STAG2: variants seen among roughly 807,000 people sequenced by gnomAD.
STAG2 encodes cohesin subunit SA-2.
Under a neutral mutation model 108.1 loss-of-function variants are expected in STAG2, and 14 were observed. That is an observed-to-expected ratio of 0.13 (90% CI 0.09 to 0.20). The LOEUF is 0.20. Among genes scored for constraint, STAG2 ranks in the 10% least tolerant of loss-of-function variants. The pLI is 1.00. For synonymous variants in STAG2, 307 were observed against 302.7 expected (o/e 1.01, Z -0.15); for missense variants, 440 against 940.9 (o/e 0.47, Z 6.96).
intron 1 of STAG2, among the ~76,000 whole-genome samples, chrX:123,993,821 C>T (rs1024498278): frequency 1.4e-4 from 16 of 111,424 alleles, no homozygotes; most frequent in African/African-American, 4.6e-4. Context: ...TGCATTTAAA[C>T]GAACATTTTA....
intron 1 of STAG2, among the ~76,000 whole-genome samples, chrX:123,974,377 C>T (rs1490501319): frequency 4.7e-5 from 5 of 107,152 alleles, no homozygotes; most frequent in African/African-American, 1.4e-4. Flanking sequence ...GGATTACAGG[C>T]ACCCGCCACC....
intron 19 of STAG2, among the ~76,000 whole-genome samples, chrX:124,063,524 C>T (rs1021232465): frequency 1.8e-5 from 2 of 111,005 alleles, no homozygotes; most frequent in African/African-American, 3.3e-5. Context: ...TGGCCATAGA[C>T]GATAATAACA....
intron 1 of STAG2, among the ~76,000 whole-genome samples, chrX:124,017,303 G>A (rs1157602202): frequency 1.8e-5 from 2 of 109,728 alleles, no homozygotes; most frequent in Admixed American, 9.8e-5. Flanking sequence ...TCCGCTTCCC[G>A]GGTTCAAGCG....
At chrX:124,054,643 A>G (rs767829196) in intron 13 of STAG2, among the ~76,000 whole-genome samples, 1 of 112,171 alleles carries the variant, frequency 8.9e-6, no homozygotes, top group African/African-American at 3.2e-5. Flanking sequence ...ATACCCATTC[A>G]TGTTGATTTT....
chrX:123,987,250 A>T (rs2055235606), intron 1 of STAG2, among the ~76,000 whole-genome samples: 1 of 108,638 alleles, frequency 9.2e-6, no homozygotes, highest in South Asian at 4.0e-4. Flanking sequence ...TCAGCCTCCC[A>T]AAGTGCTGGG....
chrX:124,048,926 T>G, intron 9 of STAG2, 79 bp from the exon 10 acceptor site: 2 of 801,145 alleles, frequency 2.5e-6, no homozygotes, highest in Non-Finnish European at 3.7e-6. Context: ...TCTGCTTTTT[T>G]TGTGCTTGTA....
At chrX:123,993,300 T>A (rs991703709) in intron 1 of STAG2, among the ~76,000 whole-genome samples, 5 of 111,533 alleles carry the variant, frequency 4.5e-5, no homozygotes, top group Non-Finnish European at 9.4e-5. Flanking sequence ...AAACAATTTT[T>A]AAAAAAATTC....
chrX:124,035,594 T>C (rs778011560), intron 5 of STAG2, among the ~76,000 whole-genome samples: 78 of 112,188 alleles, frequency 7.0e-4, no homozygotes, highest in Non-Finnish European at 1.3e-3. Context: ...CTTTATGATG[T>C]CAAGGGCCTT....
chrX:123,986,201 ATATG>A (rs1277087259), intron 1 of STAG2, among the ~76,000 whole-genome samples: 4 of 107,249 alleles, frequency 3.7e-5, no homozygotes, highest in Non-Finnish European at 7.7e-5. Context: ...ATATATGTAT[ATATG>A]TGTGTATATA....
chrX:123,997,684 C>T (rs768402077), intron 1 of STAG2, among the ~76,000 whole-genome samples: 2 of 112,780 alleles, frequency 1.8e-5, no homozygotes, highest in East Asian at 2.8e-4. Flanking sequence ...GTCACCTAGG[C>T]GGGAGTGCAT....
intron 1 of STAG2, among the ~76,000 whole-genome samples, chrX:124,013,324 AACACACACAC>A (rs71886288): frequency 4.4e-4 from 46 of 103,626 alleles, no homozygotes; most frequent in Middle Eastern, 4.4e-3. Flanking sequence ...CACACACACA[AACACACACAC>A]ACACACACAC....
chrX:123,979,853 C>T (rs998691864), intron 1 of STAG2, among the ~76,000 whole-genome samples: 6 of 111,575 alleles, frequency 5.4e-5, no homozygotes, highest in African/African-American at 2.0e-4. Flanking sequence ...TAGCTTTGAA[C>T]AGGGGGATCC....
chrX:124,025,922 T>C lies in STAG2; in HGVS notation c.123+4T>C, dbSNP rs372118088. The C allele has an allele frequency of 2.3e-4, 267 of 1,141,301 alleles. No individual in the cohort carries two copies. Among genetic ancestry groups the C allele is most frequent in the Admixed American group, 3.2e-4 (14 of 43,152 alleles). 94.1% of individuals were successfully genotyped at this position (1,141,301 alleles called of 1,213,427 possible). ...CCAAAAGCAAGGCAAAGGCAAAGTA[T>C]GTATCAAATATTTGACTTTATTTTG... is the stretch of plus-strand genomic sequence containing the variant. On this transcript the variant is annotated splice_donor_region_variant and intron_variant, in intron 4 of 34. Transcript: ENST00000371145.
chrX:124,093,893 T>C (rs994014839), intron 32 of STAG2, 125 bp from the exon 33 acceptor site: 6 of 740,144 alleles, frequency 8.1e-6, no homozygotes, highest in Non-Finnish European at 9.9e-6. Flanking sequence ...TGCCTAATCA[T>C]TCTCCCTGAC....
intron 1 of STAG2, among the ~76,000 whole-genome samples, chrX:123,972,191 T>A (rs938340153): frequency 1.1e-4 from 12 of 111,318 alleles, no homozygotes; most frequent in African/African-American, 3.9e-4. Flanking sequence ...CATACTTGGC[T>A]ATTTTAATAG....
At chrX:124,027,096 T>G (rs925448023) in intron 4 of STAG2, among the ~76,000 whole-genome samples, 20 of 111,152 alleles carry the variant, frequency 1.8e-4, no homozygotes, top group Non-Finnish European at 2.6e-4. Flanking sequence ...ATTTTTTATT[T>G]TTGTAGAGAT....
chrX:124,097,179 CAAAA>C lies in STAG2; in HGVS notation c.3783+1752_3783+1755del, dbSNP rs56942682. ...GGGTGACAGAGCCGAGACCCTGTCT[CAAAA>C]AAAAAAAAAAAAAAAAAAAAAGTAG... is the stretch of plus-strand genomic sequence containing the variant. On this transcript the variant is annotated intron_variant, in intron 34 of 34. Coordinates refer to ENST00000371145, the MANE Select transcript of STAG2 (RefSeq NM_001042750.2). Among the ~76,000 whole-genome samples the C allele has an allele frequency of 3.9e-4, 15 of 38,204 alleles. 1 individual carries two copies. Among genetic ancestry groups the C allele is most frequent in the Admixed American group, 9.3e-4 (2 of 2,143 alleles). The allele number at this position is 38,204 out of a possible 115,157, so 33.2% of individuals were successfully genotyped here.
intron 4 of STAG2, 45 bp downstream of exon 4, chrX:124,025,963 C>G: frequency 1.1e-6 from 1 of 937,175 alleles, no homozygotes; most frequent in Non-Finnish European, 1.5e-6. Context: ...TAAGATCTCA[C>G]ACACACACAG....
intron 19 of STAG2, among the ~76,000 whole-genome samples, chrX:124,063,455 C>G (rs754714943): frequency 2.7e-5 from 3 of 111,032 alleles, no homozygotes; most frequent in Non-Finnish European, 5.7e-5. Flanking sequence ...TTTATAGAGA[C>G]TGGGGGTGGA....
Sources: gnomAD v4.1 joint callset for allele counts (sites outside exome capture counted in the v4.1 genomes callset) on GRCh38, gnomAD v4.1.1 for gene constraint, MANE v1.5 for transcripts, NCBI Gene and HGNC (gene_info 2026-07-23, HGNC 2026-07-21) for gene names.